The following EFR3A variants were observed in gnomAD, a reference collection of about 807,000 sequenced individuals.
EFR3A encodes the protein protein EFR3 homolog A.
EFR3A carries 76 observed loss-of-function variants against 104.4 expected under a neutral mutation model. That is an observed-to-expected ratio of 0.73 (90% confidence interval 0.60 to 0.88). The LOEUF (loss-of-function observed/expected upper bound fraction) is 0.88. Ranked by LOEUF, EFR3A falls within the 40% of genes least tolerant of loss-of-function variation. The probability of loss-of-function intolerance (pLI) is 0.00; values close to 1 mark genes in which losing one functional copy is unlikely to be tolerated. For synonymous variants in EFR3A, 330 were observed against 330.0 expected, an observed-to-expected ratio of 1.00 and a Z score of 0.00; for missense variants, 985 against 1,012.5, an observed-to-expected ratio of 0.97 and a Z score of 0.37.
At chr8:131,970,008 T>C (rs1296851653) in intron 9 of EFR3A, among the ~76,000 whole-genome samples, 3 of 152,202 alleles carry the variant, frequency 2.0e-5, no homozygotes, top group Non-Finnish European at 4.4e-5. Context: ...ATCTAATAAA[T>C]TTGGTAGTTT....
intron 1 of EFR3A, among the ~76,000 whole-genome samples, chr8:131,933,664 T>C (rs972678964): frequency 6.6e-6 from 1 of 152,104 alleles, no homozygotes; most frequent in African/African-American, 2.4e-5. Flanking sequence ...TAAAGTTAAA[T>C]TGAAGTGTAA....
chr8:131,904,780 G>C (rs180849596), intron 1 of EFR3A, among the ~76,000 whole-genome samples: 7 of 152,322 alleles, frequency 4.6e-5, no homozygotes, highest in African/African-American at 1.4e-4. Flanking sequence ...AGCCTAACTC[G>C]GCGTCCGTAT....
intron 4 of EFR3A, among the ~76,000 whole-genome samples, chr8:131,949,286 T>TA (rs1267882266): frequency 6.6e-6 from 1 of 151,780 alleles, no homozygotes; most frequent in Non-Finnish European, 1.5e-5. Flanking sequence ...TTAGAAATAT[T>TA]ATTTTCATTT....
chr8:131,936,145 G>A (rs557346300), intron 1 of EFR3A, among the ~76,000 whole-genome samples: 79 of 152,174 alleles, frequency 5.2e-4, no homozygotes, highest in Admixed American at 1.1e-3. Context: ...TGAAGGAGGA[G>A]GATGTTTCCT....
rs1464620222 is a variant in EFR3A, at chr8:132,011,665, A to T, written c.*770A>T. The T allele has an allele frequency of 1.3e-5, 2 of 155,596 alleles. No homozygotes were observed. Among genetic ancestry groups the T allele is most frequent in the Non-Finnish European group, 2.8e-5 (2 of 70,824 alleles). 9.6% of individuals were successfully genotyped at this position (155,596 alleles called of 1,614,324 possible). A position where few individuals can be genotyped will look rare whatever the true frequency, so the allele number is the denominator to read the frequency against. ...ATTAGTTTACAGGCTGTGCTTTGAAATTATAGTAGTATTTTGCTGTGGCTC... is the reference window on the plus strand; with the variant it reads ...ATTAGTTTACAGGCTGTGCTTTGAATTTATAGTAGTATTTTGCTGTGGCTC... On this transcript the variant is annotated 3_prime_UTR_variant, in exon 23 of 23. Coordinates refer to ENST00000254624, the MANE Select transcript of EFR3A (RefSeq NM_015137.6).
chr8:131,974,954 G>T (rs1234984307), intron 10 of EFR3A, among the ~76,000 whole-genome samples: 1 of 152,140 alleles, frequency 6.6e-6, no homozygotes, highest in Non-Finnish European at 1.5e-5. Flanking sequence ...TGACTACATT[G>T]AATTTTAAGA....
Position 131,953,810 on chromosome 8 carries a change from T to A in EFR3A, c.489-8T>A, listed in dbSNP as rs759039031. 6.7e-7 allele frequency: 1 copy of A among 1,495,928 alleles called. No homozygotes were observed. The highest frequency in any genetic ancestry group is 1.3e-5 in the South Asian group (1 of 75,384). The allele number at this position is 1,495,928 out of a possible 1,614,324, so 92.7% of individuals were successfully genotyped here. On this transcript the variant is annotated splice_polypyrimidine_tract_variant and splice_region_variant and intron_variant, in intron 5 of 22. Coordinates refer to ENST00000254624, the MANE Select transcript of EFR3A (RefSeq NM_015137.6). ...GCTCATTTTCTTCCTTTTTTTTTTTTTTTATAGGATACGAATTGCTGGAAT... is the reference window on the plus strand; with the variant it reads ...GCTCATTTTCTTCCTTTTTTTTTTTATTTATAGGATACGAATTGCTGGAAT...
intron 2 of EFR3A, among the ~76,000 whole-genome samples, chr8:131,941,546 TATTA>T (rs1818172453): frequency 6.6e-6 from 1 of 152,128 alleles, no homozygotes; most frequent in African/African-American, 2.4e-5. Context: ...ATTTGTGGCA[TATTA>T]AAAACCCTAA....
At position 131,941,674 on chromosome 8, in the gene EFR3A, G is replaced by A. The variant is rs745834740; in HGVS notation, c.87+1099G>A. Among the ~76,000 whole-genome samples, 5 of 152,226 alleles carry A rather than the reference G, an allele frequency of 3.3e-5. No individual in the cohort carries two copies. In the South Asian group the frequency reaches 1.0e-3, roughly 32 times the overall value. ...GTAAGTAAAATGCTAAGTAAATCAG[G>A]TGGAAAGTTTTTGCCTCTAAAGCAG... On this transcript the variant is annotated intron_variant, in intron 2 of 22. Transcript: ENST00000254624.
chr8:131,964,749 G>A (rs111263162), intron 8 of EFR3A, among the ~76,000 whole-genome samples: 5,485 of 152,110 alleles, frequency 0.036, 192 homozygotes, highest in African/African-American at 0.093. Flanking sequence ...AAAAGAGCCC[G>A]CATTGCCAAG....
rs141582003 is a variant in EFR3A at position 131,914,350 on chromosome 8, G to A, written c.10+10028G>A. On this transcript the variant is annotated intron_variant, in intron 1 of 22. Coordinates refer to ENST00000254624, the MANE Select transcript of EFR3A (RefSeq NM_015137.6). ...TCTTGCTTCTTTGTTTGGTCTTCCA[G>A]TGATGGGGGTATCTGCCCCAGGACA... 3.2e-3 allele frequency among the ~76,000 whole-genome samples: 481 copies of A among 152,298 alleles called. 1 individual carries two copies. Among genetic ancestry groups the A allele is most frequent in the African/African-American group, 0.011 (458 of 41,550 alleles).
At chr8:131,938,431 C>A in intron 1 of EFR3A, 1 of 386,044 alleles carries the variant, frequency 2.6e-6, no homozygotes, top group Non-Finnish European at 4.6e-6. Flanking sequence ...TTATTTCAAC[C>A]TTACATTGTC....
chr8:132,002,211 A>G (rs551748996), intron 20 of EFR3A, among the ~76,000 whole-genome samples: 4 of 152,194 alleles, frequency 2.6e-5, no homozygotes, highest in Non-Finnish European at 4.4e-5. Flanking sequence ...CCAAGATTCA[A>G]TTTAGCAAAT....
chr8:131,969,571 A>G (rs1480154235), intron 9 of EFR3A, among the ~76,000 whole-genome samples: 3 of 150,736 alleles, frequency 2.0e-5, no homozygotes, highest in Non-Finnish European at 1.5e-5. Flanking sequence ...AATATTTTCA[A>G]CCCATAGTTG....
At chr8:131,966,501 C>T (rs1819746905) in intron 8 of EFR3A, among the ~76,000 whole-genome samples, 1 of 152,064 alleles carries the variant, frequency 6.6e-6, no homozygotes, top group African/African-American at 2.4e-5. Context: ...ATAACTAATA[C>T]ATATTAAGCA....
intron 10 of EFR3A, among the ~76,000 whole-genome samples, chr8:131,974,234 A>T (rs933537248): frequency 1.3e-5 from 2 of 152,200 alleles, no homozygotes; most frequent in African/African-American, 4.8e-5. Context: ...AAAGCTTGGG[A>T]ACCACTGGAT....
chr8:131,984,418 C>T (rs1820773410), intron 15 of EFR3A, 118 bp downstream of exon 15: 2 of 954,166 alleles, frequency 2.1e-6, no homozygotes, highest in African/African-American at 3.3e-5. Context: ...AGTTGTAAAT[C>T]TAAAATACTC....
Position 131,955,831 on chromosome 8 carries a change from T to C in EFR3A, c.702T>C (p.Ala234=), listed in dbSNP as rs1256806132. The C allele has an allele frequency of 1.9e-6, 3 of 1,613,700 alleles. No individual in the cohort carries two copies. The highest frequency in any genetic ancestry group is 3.3e-5 in the Admixed American group (2 of 59,990). ...AAGAAGAGAATCCTGCTGTGCTGGCTGAAAACTGTTTCAGAGAACTGCTGG... is the reference window on the plus strand; with the variant it reads ...AAGAAGAGAATCCTGCTGTGCTGGCCGAAAACTGTTTCAGAGAACTGCTGG... The part of the protein sequence containing the change: ...TDKEENPAVL[A]ENCFRELLGR... The change falls in exon 7 of 23, where the codon GCT becomes GCC. Residue 234 remains alanine (A), a synonymous_variant. Transcript: ENST00000254624.
At chr8:131,927,655 G>A (rs1484684589) in intron 1 of EFR3A, among the ~76,000 whole-genome samples, 1 of 152,104 alleles carries the variant, frequency 6.6e-6, no homozygotes, top group Non-Finnish European at 1.5e-5. Flanking sequence ...TTTTTAGCAA[G>A]AGCTTTTTTT....
Sources: gnomAD v4.1 joint callset for allele counts (sites outside exome capture counted in the v4.1 genomes callset) on GRCh38, gnomAD v4.1.1 for gene constraint, MANE v1.5 for transcripts, NCBI Gene and HGNC (gene_info 2026-07-23, HGNC 2026-07-21) for gene names.